EBF3: variants seen among roughly 807,000 people sequenced by gnomAD.
EBF3 encodes the protein EBF transcription factor 3.
A neutral mutation model predicts 77.1 loss-of-function variants in EBF3; 18 were observed. That is an observed-to-expected ratio of 0.23 (90% CI 0.16 to 0.35). The LOEUF (loss-of-function observed/expected upper bound fraction) is 0.35, where lower values mean the gene tolerates loss of function less well. EBF3 is among the 10% of genes least tolerant of loss of function. EBF3 has a pLI of 1.00. For synonymous variants in EBF3, 350 were observed against 343.5 expected, an observed-to-expected ratio of 1.02 and a Z score of -0.21; for missense variants, 558 against 860.0, an observed-to-expected ratio of 0.65 and a Z score of 4.39.
chr10:129,878,732 G>A (rs1050669119), intron 6 of EBF3, among the ~76,000 whole-genome samples: 1 of 140,954 alleles, frequency 7.1e-6, no homozygotes, highest in African/African-American at 2.6e-5. Context: ...GGTGGGGCAG[G>A]AGAATCACTT....
At chr10:129,921,749 A>G (rs553226057) in intron 6 of EBF3, among the ~76,000 whole-genome samples, 1 of 152,310 alleles carries the variant, frequency 6.6e-6, no homozygotes, top group African/African-American at 2.4e-5. Flanking sequence ...ACAGCCACAG[A>G]CTGAGACCCA....
chr10:129,842,242 G>A lies in EBF3; in HGVS notation c.1246C>T (p.Pro416Ser). 1 of 1,613,870 alleles carries A rather than the reference G, an allele frequency of 6.2e-7. No individual in the cohort carries two copies. Among genetic ancestry groups the A allele is most frequent in the Admixed American group, 1.7e-5 (1 of 59,998 alleles). Residue 416 changes from proline to serine, a missense_variant, in exon 13 of 17, where the codon CCC becomes TCC. Physicochemically the swap from Pro to Ser is moderately conservative, Grantham distance 74. Around this residue, in one of 5 missense-constraint regions of EBF3, gnomAD observed 284 missense variants for 368.3 expected, o/e 0.77. Coordinates refer to ENST00000440978, the MANE Select transcript of EBF3 (RefSeq NM_001375380.1). The surrounding 1 kb of genome is among the most constrained non-coding windows in gnomAD (Gnocchi z 4.4). Reference protein sequence around the residue: ...ADIAEALYSVPRNHNQIPTLG... With the variant: ...ADIAEALYSVSRNHNQIPTLG... ...GTGGGGATCTGGTTGTGATTGCGGG[G>A]AACGCTGTACAGCGCCTCGGCGATG...
chr10:129,899,944 A>G (rs529768108), intron 6 of EBF3, among the ~76,000 whole-genome samples: 1 of 152,382 alleles, frequency 6.6e-6, no homozygotes, highest in South Asian at 2.1e-4. Context: ...TTTGGAGGAA[A>G]TTCAGATGTG....
At chr10:129,845,393 A>C (rs1462706482) in intron 11 of EBF3, 1 of 152,252 alleles carries the variant, frequency 6.6e-6, no homozygotes, top group African/African-American at 2.4e-5. Flanking sequence ...GAAACTATTA[A>C]AGCTCAAATG....
In EBF3 at chr10:129,856,578, G is replaced by C. The variant is rs143302718; in HGVS notation, c.1040-8098C>G. 3.8e-3 allele frequency among the ~76,000 whole-genome samples: 580 copies of C among 152,204 alleles called. 5 individuals are homozygous for C. Among genetic ancestry groups the C allele is most frequent in the African/African-American group, 0.014 (561 of 41,542 alleles). ...TTCATGGTTGCCAGGAGCTAGGGGAGGGCAGGAAAGGAAAACCAAGGCACA... is the reference window on the plus strand; with the variant it reads ...TTCATGGTTGCCAGGAGCTAGGGGACGGCAGGAAAGGAAAACCAAGGCACA... On this transcript the variant is annotated intron_variant, in intron 10 of 16. Coordinates refer to ENST00000440978, the MANE Select transcript of EBF3 (RefSeq NM_001375380.1).
intron 6 of EBF3, among the ~76,000 whole-genome samples, chr10:129,923,389 T>C (rs967019544): frequency 6.6e-6 from 1 of 152,170 alleles, no homozygotes; most frequent in South Asian, 2.1e-4. Context: ...ATTTCAAACC[T>C]TACTACAAAG....
chr10:129,904,870 C>T (rs1014191629), intron 6 of EBF3, among the ~76,000 whole-genome samples: 4 of 152,302 alleles, frequency 2.6e-5, no homozygotes, highest in Admixed American at 6.5e-5. Context: ...AGAAGCAACT[C>T]CTTAAATAGC....
At chr10:129,857,826 T>G (rs896373202) in intron 10 of EBF3, among the ~76,000 whole-genome samples, 13 of 152,166 alleles carry the variant, frequency 8.5e-5, no homozygotes, top group Admixed American at 7.9e-4. Context: ...TCCCCGCCTC[T>G]CAGTATCACC....
chr10:129,848,582 G>C lies in EBF3; in HGVS notation c.1040-102C>G. 7.8e-7 allele frequency: 1 copy of C among 1,279,662 alleles called. No individual in the cohort carries two copies. The highest frequency in any genetic ancestry group is 2.3e-5 in the East Asian group (1 of 43,024). The allele number at this position is 1,279,662 out of a possible 1,614,324, so 79.3% of individuals were successfully genotyped here. A position where few individuals can be genotyped will look rare whatever the true frequency, so the allele number is the denominator to read the frequency against. On this transcript the variant is annotated intron_variant, in intron 10 of 16. Coordinates refer to ENST00000440978, the MANE Select transcript of EBF3 (RefSeq NM_001375380.1). The surrounding 1 kb of genome is among the most constrained non-coding windows in gnomAD (Gnocchi z 4.4). Reference sequence around the variant, plus strand: ...AATAAATGTGTAGTTCTCCTGCTCTGATGCTCTCTAAGGCAAGCACCCCTG... The same window carrying C: ...AATAAATGTGTAGTTCTCCTGCTCTCATGCTCTCTAAGGCAAGCACCCCTG...
At chr10:129,867,452 C>T (rs1242252850) in intron 9 of EBF3, among the ~76,000 whole-genome samples, 185 bp from the exon 10 acceptor site, 1 of 152,154 alleles carries the variant, frequency 6.6e-6, no homozygotes, top group African/African-American at 2.4e-5. Flanking sequence ...TGCAAATGAT[C>T]CCAGGTTTTA....
Position 129,841,159 on chromosome 10 carries a change from A to G in EBF3, c.1373-127T>C. On this transcript the variant is annotated intron_variant, in intron 13 of 16. Coordinates refer to ENST00000440978, the MANE Select transcript of EBF3 (RefSeq NM_001375380.1). This position sits in a 1 kb window ranked among gnomAD's most constrained non-coding sequence, Gnocchi z 4.6. Reference sequence around the variant, plus strand: ...TGACCCTGTGCTTTCCACCTGCTCTAGCGCCTGCTGCCAGCTCGGATGACC... The same window carrying G: ...TGACCCTGTGCTTTCCACCTGCTCTGGCGCCTGCTGCCAGCTCGGATGACC... 1 of 1,275,518 alleles carries G rather than the reference A, an allele frequency of 7.8e-7. No individual in the cohort carries two copies. Among genetic ancestry groups the G allele is most frequent in the South Asian group, 1.5e-5 (1 of 66,362 alleles). The allele number at this position is 1,275,518 out of a possible 1,614,324, so 79.0% of individuals were successfully genotyped here.
intron 6 of EBF3, among the ~76,000 whole-genome samples, chr10:129,901,513 T>G: frequency 6.6e-6 from 1 of 152,244 alleles, no homozygotes. Flanking sequence ...GGAATTTTGT[T>G]TTAATTGTAC....
rs905837409 is a variant in EBF3, at chr10:129,964,111, C to A, written c.-343G>T. On this transcript the variant is annotated 5_prime_UTR_variant, in exon 1 of 17. Transcript: ENST00000440978. The surrounding 1 kb of genome is among the most constrained non-coding windows in gnomAD (Gnocchi z 4.5). The stretch of plus-strand genomic sequence containing the variant: ...CGGCGTCCGCGGCTGCAGGACACTG[C>A]GGGATCGCCCGCTTCTGGCGCGGCC... The A allele has an allele frequency of 2.0e-6, 2 of 984,968 alleles. No individual in the cohort carries two copies. The highest frequency in any genetic ancestry group is 3.5e-5 in the African/African-American group (2 of 57,192). 61.0% of individuals were successfully genotyped at this position (984,968 alleles called of 1,614,324 possible).
At chr10:129,862,501 G>A (rs1851712559) in intron 10 of EBF3, among the ~76,000 whole-genome samples, 1 of 152,114 alleles carries the variant, frequency 6.6e-6, no homozygotes, top group Non-Finnish European at 1.5e-5. Flanking sequence ...AAAGGAGGGT[G>A]GGTCAATCAA....
In EBF3 at chr10:129,943,325, G is replaced by A. The variant is rs1857923096; in HGVS notation, c.554+13933C>T. On this transcript the variant is annotated intron_variant, in intron 6 of 16. Transcript: ENST00000440978. The surrounding 1 kb of genome is among the most constrained non-coding windows in gnomAD (Gnocchi z 8.8). ...AATCAACAGTTAAAGAAGCAAATTG[G>A]ATTTGCCCTATCACAAAAAAAATTA... 6.6e-6 allele frequency among the ~76,000 whole-genome samples: 1 copy of A among 152,138 alleles called. No homozygotes were observed. Among genetic ancestry groups the A allele is most frequent in the South Asian group, 2.1e-4 (1 of 4,770 alleles).
chr10:129,921,291 G>A (rs940748494), intron 6 of EBF3, among the ~76,000 whole-genome samples: 11 of 152,254 alleles, frequency 7.2e-5, no homozygotes, highest in Admixed American at 3.9e-4. Context: ...CCTGGGCACC[G>A]CAGGGTGTTA....
rs528239433 is a variant in EBF3 at position 129,899,718 on chromosome 10, T to TG, written c.555-21870dup. ...CCGGAAAGGACGCCAGCACCGTGCG[T>TG]GAAAAAAAAGCCAAGAAAGTCCAGG... On this transcript the variant is annotated intron_variant, in intron 6 of 16. Transcript: ENST00000440978. 1.2e-4 allele frequency among the ~76,000 whole-genome samples: 19 copies of TG among 152,116 alleles called. No individual in the cohort carries two copies. The South Asian group carries it at 3.3e-3, about 27-fold the overall frequency.
intron 6 of EBF3, among the ~76,000 whole-genome samples, chr10:129,936,415 C>T (rs1857361145): frequency 6.6e-6 from 1 of 152,220 alleles, no homozygotes. Context: ...AGACAGGCTG[C>T]CCAGGCCCCG....
intron 5 of EBF3, among the ~76,000 whole-genome samples, chr10:129,958,388 CAGGT>C (rs1359973932): frequency 2.0e-5 from 3 of 152,138 alleles, no homozygotes; most frequent in Non-Finnish European, 4.4e-5. Context: ...TTAGAAAAAA[CAGGT>C]GGGAAATTGC....
Sources: allele counts gnomAD v4.1 joint callset (sites outside exome capture counted in the v4.1 genomes callset), GRCh38; gene constraint gnomAD v4.1.1; regional missense constraint gnomAD v4.1.1; non-coding constraint Gnocchi (gnomAD v3.1); transcripts MANE v1.5; gene names NCBI Gene and HGNC (gene_info 2026-07-23, HGNC 2026-07-21).